OLFM4: variants seen among roughly 807,000 people sequenced by gnomAD.
OLFM4 encodes the protein olfactomedin-4.
A neutral mutation model predicts 25.5 loss-of-function variants in OLFM4; 22 were observed. The observed-to-expected ratio is 0.86, with a 90% confidence interval of 0.62 to 1.23. The LOEUF is 1.23. OLFM4 is among the 50% of genes most tolerant of loss of function. The pLI, the probability that OLFM4 is intolerant of heterozygous loss-of-function variation, is 0.00. For missense variants in OLFM4, 594 were observed against 619.4 expected, an observed-to-expected ratio of 0.96 and a Z score of 0.44; for synonymous variants, 255 against 237.7, an observed-to-expected ratio of 1.07 and a Z score of -0.67.
rs1954744599 is a variant in OLFM4, at chr13:53,050,815, A to G, written c.*44A>G. 10 of 1,503,838 alleles carry G rather than the reference A, an allele frequency of 6.6e-6. No homozygotes were observed. The highest frequency in any genetic ancestry group is 8.9e-6 in the Non-Finnish European group (10 of 1,123,844). 93.2% of individuals were successfully genotyped at this position (1,503,838 alleles called of 1,614,324 possible). On this transcript the variant is annotated 3_prime_UTR_variant, in exon 5 of 5. Coordinates refer to ENST00000219022, the MANE Select transcript of OLFM4 (RefSeq NM_006418.5). ...TGAAAGAGAAAATGTTTGTTGAAAA[A>G]ATAGTCTTCTCCACTTACTTAGATA...
chr13:53,042,029 C>A lies in OLFM4; in HGVS notation c.477C>A (p.Ile159=), dbSNP rs542748912. 5.3e-5 allele frequency: 86 copies of A among 1,613,982 alleles called. No individual in the cohort carries two copies. In the Admixed American group the frequency reaches 1.4e-3, roughly 26 times the overall value. Residue 159 remains isoleucine, a synonymous_variant, in exon 3 of 5, where the codon ATC becomes ATA. Transcript: ENST00000219022. ...ACACTGAACTGGACTTCGAGCTGAT[C>A]AAGGTAGAAGTGAAGGAGATGGAAA... ...ISYTELDFEL[I]KVEVKEMEKL...
At chr13:53,033,826 C>T (rs1033706021) in intron 1 of OLFM4, among the ~76,000 whole-genome samples, 1 of 151,966 alleles carries the variant, frequency 6.6e-6, no homozygotes, top group African/African-American at 2.4e-5. Flanking sequence ...TTTGGGAGGC[C>T]GAGGTGGGTG....
At chr13:53,031,500 C>T (rs992284208) in intron 1 of OLFM4, among the ~76,000 whole-genome samples, 4 of 152,156 alleles carry the variant, frequency 2.6e-5, no homozygotes, top group African/African-American at 7.2e-5. Context: ...CTGCCTCAGA[C>T]GTCTCCCTCC....
chr13:53,045,057 C>A (rs1211304166), intron 4 of OLFM4, among the ~76,000 whole-genome samples: 2 of 152,100 alleles, frequency 1.3e-5, no homozygotes, highest in African/African-American at 2.4e-5. Context: ...TGAGGCCACA[C>A]AAGTAGTTAA....
Position 53,028,975 on chromosome 13 carries a change from A to G in OLFM4, c.139A>G (p.Ser47Gly), listed in dbSNP as rs751784412. The G allele has an allele frequency of 6.2e-7, 1 of 1,614,012 alleles. No individual in the cohort carries two copies. Among genetic ancestry groups the G allele is most frequent in the Admixed American group, 1.7e-5 (1 of 60,008 alleles). ...FPGVDSSSSF[S>G]SSSRSGSSSS... is the part of the protein sequence containing the mutation. The stretch of plus-strand genomic sequence containing the variant: ...AGGTGTTGACTCCAGCTCCAGCTTC[A>G]GCTCCAGCTCCAGGTCGGGCTCCAG... The change falls in exon 1 of 5, where the codon AGC becomes GGC. Residue 47 changes from serine (S) to glycine (G), a missense_variant. Physicochemically the swap from Ser to Gly is moderately conservative, Grantham distance 56. Coordinates refer to ENST00000219022, the MANE Select transcript of OLFM4 (RefSeq NM_006418.5).
intron 3 of OLFM4, 55 bp downstream of exon 3, chr13:53,042,177 G>A: frequency 3.4e-6 from 5 of 1,456,864 alleles, no homozygotes; most frequent in Non-Finnish European, 4.8e-6. Flanking sequence ...TTCAGTGACT[G>A]TAAGCAAGTA....
rs1402384761 is a variant in OLFM4 at position 53,050,806 on chromosome 13, T to C, written c.*35T>C. On this transcript the variant is annotated 3_prime_UTR_variant, in exon 5 of 5. Coordinates refer to ENST00000219022, the MANE Select transcript of OLFM4 (RefSeq NM_006418.5). ...GAGTTAGGGTGAAAGAGAAAATGTT[T>C]GTTGAAAAAATAGTCTTCTCCACTT... 6.6e-7 allele frequency: 1 copy of C among 1,523,880 alleles called. No individual in the cohort carries two copies. The highest frequency in any genetic ancestry group is 2.3e-5 in the East Asian group (1 of 44,320). The allele number at this position is 1,523,880 out of a possible 1,614,324, so 94.4% of individuals were successfully genotyped here.
At chr13:53,049,867 G>C (rs1954735766) in intron 4 of OLFM4, 102 bp from the exon 5 acceptor site, 1 of 1,288,734 alleles carries the variant, frequency 7.8e-7, no homozygotes, top group Admixed American at 2.4e-5. Flanking sequence ...ACCTTGACAG[G>C]AAAAATATTT....
At position 53,050,467 on chromosome 13, in the gene OLFM4, T is replaced by C. The variant is rs1384840347; in HGVS notation, c.1229T>C (p.Leu410Pro). The C allele has an allele frequency of 1.2e-6, 2 of 1,614,066 alleles. No homozygotes were observed. Among genetic ancestry groups the C allele is most frequent in the Non-Finnish European group, 1.7e-6 (2 of 1,179,972 alleles). ...ACTGGTAACATGGTGATTAGTAAAC[T>C]CAATGACACCACACTTCAGGTGCTA... ...ASTGNMVISK[L>P]NDTTLQVLNT... Residue 410 changes from leucine (L) to proline (P), a missense_variant, in exon 5 of 5, where the codon CTC becomes CCC. Physicochemically the swap from Leu to Pro is moderately conservative, Grantham distance 98. Coordinates refer to ENST00000219022, the MANE Select transcript of OLFM4 (RefSeq NM_006418.5).
intron 1 of OLFM4, 25 bp from the exon 2 acceptor site, chr13:53,034,323 A>G: frequency 1.2e-6 from 2 of 1,605,092 alleles, no homozygotes; most frequent in Non-Finnish European, 1.7e-6. Context: ...CTTGTTATTG[A>G]TGTTCAACTT....
At chr13:53,031,897 T>C (rs1036334424) in intron 1 of OLFM4, among the ~76,000 whole-genome samples, 1 of 152,170 alleles carries the variant, frequency 6.6e-6, no homozygotes, top group African/African-American at 2.4e-5. Context: ...TTGTCTCCCA[T>C]CCCCCATGCT....
At chr13:53,035,155 C>T (rs985084991) in intron 2 of OLFM4, among the ~76,000 whole-genome samples, 1 of 151,700 alleles carries the variant, frequency 6.6e-6, no homozygotes, top group African/African-American at 2.4e-5. Context: ...ATCCTCCTCC[C>T]TCCCTCTCTC....
intron 4 of OLFM4, among the ~76,000 whole-genome samples, chr13:53,046,599 A>G (rs1291835051): frequency 2.6e-5 from 4 of 152,182 alleles, no homozygotes; most frequent in Admixed American, 2.6e-4. Context: ...ATTTGGTGCC[A>G]CTGTGTGGCT....
rs1234597150 is a variant in OLFM4, at chr13:53,051,706, G to A, written c.*935G>A. 6.6e-6 allele frequency: 1 copy of A among 152,184 alleles called. No homozygotes were observed. Among genetic ancestry groups the A allele is most frequent in the Non-Finnish European group, 1.5e-5 (1 of 68,034 alleles). 9.4% of individuals were successfully genotyped at this position (152,184 alleles called of 1,614,324 possible). Reference sequence around the variant, plus strand: ...ATCTGATGGCAGTGACAAAGTGCTAGCATTTATTGTTATCTAATAAAGACC... The same window carrying A: ...ATCTGATGGCAGTGACAAAGTGCTAACATTTATTGTTATCTAATAAAGACC... On this transcript the variant is annotated 3_prime_UTR_variant, in exon 5 of 5. Coordinates refer to ENST00000219022, the MANE Select transcript of OLFM4 (RefSeq NM_006418.5).
At chr13:53,043,332 G>T in intron 4 of OLFM4, 68 bp downstream of exon 4, 1 of 1,279,962 alleles carries the variant, frequency 7.8e-7, no homozygotes, top group Non-Finnish European at 1.0e-6. Context: ...GGGTGGGGAA[G>T]GGATTGGGGA....
At chr13:53,047,634 G>A (rs1954722448) in intron 4 of OLFM4, among the ~76,000 whole-genome samples, 1 of 152,006 alleles carries the variant, frequency 6.6e-6, no homozygotes, top group Admixed American at 6.6e-5. Context: ...TATTTACACT[G>A]GGCAATTTGA....
chr13:53,031,818 G>T (rs1272090995), intron 1 of OLFM4, among the ~76,000 whole-genome samples: 1 of 152,208 alleles, frequency 6.6e-6, no homozygotes, highest in Non-Finnish European at 1.5e-5. Flanking sequence ...GAGGTACTCA[G>T]GGTCCTATTT....
intron 1 of OLFM4, among the ~76,000 whole-genome samples, chr13:53,030,346 A>C (rs569097802): frequency 6.6e-6 from 1 of 152,276 alleles, no homozygotes; most frequent in African/African-American, 2.4e-5. Flanking sequence ...TCTGTCACCC[A>C]GGCTGGAGTG....
rs138297036 is a variant in OLFM4, at chr13:53,045,090, C to A, written c.730+1826C>A. Among the ~76,000 whole-genome samples the A allele has an allele frequency of 5.6e-4, 86 of 152,244 alleles. 1 individual carries two copies. The East Asian group carries it at 9.4e-3, about 17-fold the overall frequency. ...TAATGACAGAGCAGAAGCTGCAAGG[C>A]AAGGGTCTTTGCTCCCTGGTCAGTT... On this transcript the variant is annotated intron_variant, in intron 4 of 4. Coordinates refer to ENST00000219022, the MANE Select transcript of OLFM4 (RefSeq NM_006418.5).
Sources: gnomAD v4.1 joint callset for allele counts (sites outside exome capture counted in the v4.1 genomes callset) on GRCh38, gnomAD v4.1.1 for gene constraint, MANE v1.5 for transcripts, NCBI Gene and HGNC (gene_info 2026-07-23, HGNC 2026-07-21) for gene names.